The following MESP2 variants were observed in gnomAD, a reference collection of about 807,000 sequenced individuals.
MESP2 encodes the protein mesoderm posterior protein 2.
MESP2 carries 34 observed loss-of-function variants against 37.8 expected under a neutral mutation model. That is an observed-to-expected ratio of 0.90 (90% CI 0.68 to 1.20). The LOEUF (loss-of-function observed/expected upper bound fraction) is 1.20. MESP2 is among the 50% of genes most tolerant of loss of function. The pLI is 0.00. For missense variants in MESP2, 646 were observed against 545.3 expected (o/e 1.18, Z -1.84); for synonymous variants, 303 against 251.6 (o/e 1.20, Z -1.93).
Position 89,778,505 on chromosome 15 carries a change from T to A in MESP2, c.*171T>A. The A allele has an allele frequency of 3.5e-6, 3 of 869,164 alleles. No individual in the cohort carries two copies. Among genetic ancestry groups the A allele is most frequent in the Non-Finnish European group, 5.4e-6 (3 of 550,912 alleles). 53.8% of individuals were successfully genotyped at this position (869,164 alleles called of 1,614,324 possible). ...ATAGATAGCGGGTACCTTCCCTGGA[T>A]GGAGTCAGGGCGGGGGCACTGTCCT... On this transcript the variant is annotated 3_prime_UTR_variant, in exon 2 of 2. Transcript: ENST00000341735.
In MESP2 at chr15:89,778,157, C is replaced by T. The variant is rs370227491; in HGVS notation, c.1017C>T (p.Pro339=). The change falls in exon 2 of 2, where the codon CCC becomes CCT. Residue 339 remains proline (P), a synonymous_variant. Transcript: ENST00000341735. Reference sequence around the variant, plus strand: ...GCCAGAGACTGCAGCCTCAGACCCCCGGGAGGTGCTGGAGCCACAGTGCAG... The same window carrying T: ...GCCAGAGACTGCAGCCTCAGACCCCTGGGAGGTGCTGGAGCCACAGTGCAG... ...PSCQRLQPQT[P]GRCWSHSAEV... The T allele has an allele frequency of 9.1e-5, 147 of 1,613,774 alleles. 1 individual carries two copies. Among genetic ancestry groups the T allele is most frequent in the Middle Eastern group, 5.0e-4 (3 of 6,052 alleles).
Position 89,778,101 on chromosome 15 carries a change from G to T in MESP2, c.961G>T (p.Gly321Ter). The stretch of plus-strand genomic sequence containing the variant: ...GTCTCCAGAGCCCTGTCTGTCGCTG[G>T]GAGCTCCATCTCTCCTGCCCCACCC... Reference protein sequence around the residue: ...SVSPEPCLSLGAPSLLPHPSC... With the variant: ...SVSPEPCLSL Residue 321 changes from glycine to a stop codon, truncating the protein, a stop_gained, in exon 2 of 2, where the codon GGA becomes TGA. Transcript: ENST00000341735. LOFTEE classifies it high-confidence loss of function. 1 of 1,613,566 alleles carries T rather than the reference G, an allele frequency of 6.2e-7. No homozygotes were observed.
At position 89,777,270 on chromosome 15, in the gene MESP2, G is replaced by A. The variant is rs1385263438; in HGVS notation, c.913G>A (p.Ala305Thr). 3 of 1,610,742 alleles carry A rather than the reference G, an allele frequency of 1.9e-6. No homozygotes were observed. Among genetic ancestry groups the A allele is most frequent in the East Asian group, 2.2e-5 (1 of 44,844 alleles). ...TAAPATLELAAVYQGLSVSPE... is the reference protein window; with the variant it reads ...TAAPATLELATVYQGLSVSPE... ...GGCCCCAGCAACTTTGGAGCTGGCC[G>A]CAGTGTACCAGGTATGTGTGGAGGC... is the stretch of plus-strand genomic sequence containing the variant. The change falls in exon 1 of 2, where the codon GCA becomes ACA. Residue 305 changes from alanine (A) to threonine (T), a missense_variant. Transcript: ENST00000341735.
At position 89,776,502 on chromosome 15, in the gene MESP2, C is replaced by G; in HGVS notation, c.145C>G (p.Arg49Gly). Reference sequence around the variant, plus strand: ...GGGTTCGTGCCCCTGCGACGGCGCCCGCGGACTCCCGCAGCCACAGCCTCC... The same window carrying G: ...GGGTTCGTGCCCCTGCGACGGCGCCGGCGGACTCCCGCAGCCACAGCCTCC... Reference protein sequence around the residue: ...SSGSCPCDGARGLPQPQPPSC... With the variant: ...SSGSCPCDGAGGLPQPQPPSC... Residue 49 changes from arginine to glycine, a missense_variant, in exon 1 of 2, where the codon CGC (arginine) becomes GGC (glycine). By Grantham distance (125) the Arg-to-Gly change is moderately radical. Coordinates refer to ENST00000341735, the MANE Select transcript of MESP2 (RefSeq NM_001039958.2). 1 of 1,533,312 alleles carries G rather than the reference C, an allele frequency of 6.5e-7. No homozygotes were observed. Among genetic ancestry groups the G allele is most frequent in the Non-Finnish European group, 8.7e-7 (1 of 1,145,774 alleles). The allele number at this position is 1,533,312 out of a possible 1,614,324, so 95.0% of individuals were successfully genotyped here.
In MESP2 at chr15:89,776,454, C is replaced by G. The variant is rs1286265424; in HGVS notation, c.97C>G (p.Pro33Ala). ...GWAGHWDSTS[P>A]ASSSDSSGSC... ...GGCCGGCCACTGGGACTCCACGTCC[C>G]CGGCCTCCTCCTCCGATTCGTCGGG... The change falls in exon 1 of 2, where the codon CCG becomes GCG. Residue 33 changes from proline (P) to alanine (A), a missense_variant. Physicochemically the swap from Pro to Ala is conservative, Grantham distance 27. Transcript: ENST00000341735. 1.3e-6 allele frequency: 2 copies of G among 1,534,378 alleles called. No homozygotes were observed. Among genetic ancestry groups the G allele is most frequent in the Non-Finnish European group, 1.7e-6 (2 of 1,146,098 alleles).
Position 89,776,793 on chromosome 15 carries a change from C to T in MESP2, c.436C>T (p.Leu146=). The part of the protein sequence containing the change: ...SAVLGLSEES[L]QCRRRQRGDA... ...CGTGCTGGGTCTCAGCGAGGAGAGT[C>T]TGCAGTGCCGGCGCAGGCAGCGCGG... The change falls in exon 1 of 2, where the codon CTG becomes TTG. Residue 146 remains leucine (L), a synonymous_variant. Transcript: ENST00000341735. 6.7e-7 allele frequency: 1 copy of T among 1,498,204 alleles called. No homozygotes were observed. The highest frequency in any genetic ancestry group is 1.4e-5 in the South Asian group (1 of 74,072). The allele number at this position is 1,498,204 out of a possible 1,614,324, so 92.8% of individuals were successfully genotyped here.
Position 89,778,087 on chromosome 15 carries a change from CCT to C in MESP2, c.948_949del (p.Cys317SerfsTer49), listed in dbSNP as rs757634059. On this transcript the variant is annotated frameshift_variant, in exon 2 of 2. Transcript: ENST00000341735. LOFTEE classifies it high-confidence loss of function. The stretch of plus-strand genomic sequence containing the variant: ...CAGGGTCTCTCTGTGTCTCCAGAGC[CCT>C]GTCTGTCGCTGGGAGCTCCATCTCT... 6.2e-7 allele frequency: 1 copy of C among 1,613,716 alleles called. No individual in the cohort carries two copies. Among genetic ancestry groups the C allele is most frequent in the Non-Finnish European group, 8.5e-7 (1 of 1,180,026 alleles).
chr15:89,776,740 C>A lies in MESP2; in HGVS notation c.383C>A (p.Ala128Asp). The A allele has an allele frequency of 6.4e-7, 1 of 1,551,754 alleles. No homozygotes were observed. The stretch of plus-strand genomic sequence containing the variant: ...ACCAAGATCGAGACGCTGCGCCTGG[C>A]CATCCGCTACATCGGCCACCTATCG... ...SLTKIETLRL[A>D]IRYIGHLSAV... The change falls in exon 1 of 2, where the codon GCC (alanine) becomes GAC (aspartate). Residue 128 changes from alanine to aspartate, a missense_variant. Ala to Asp is a moderately radical substitution (Grantham distance 126). Coordinates refer to ENST00000341735, the MANE Select transcript of MESP2 (RefSeq NM_001039958.2).
chr15:89,777,060 C>T lies in MESP2; in HGVS notation c.703C>T (p.Arg235Cys), dbSNP rs757562856. ...CCCCGGAGCCCAAGCCGCACCCGAG[C>T]GCCTGGGGAGGGGGGTCCACGACAC... ...ACPGAQAAPE[R>C]LGRGVHDTDP... Residue 235 changes from arginine to cysteine, a missense_variant, in exon 1 of 2, where the codon CGC (arginine) becomes TGC (cysteine). Physicochemically the swap from Arg to Cys is radical, Grantham distance 180. Coordinates refer to ENST00000341735, the MANE Select transcript of MESP2 (RefSeq NM_001039958.2). The T allele has an allele frequency of 6.2e-7, 1 of 1,609,318 alleles. No homozygotes were observed. The highest frequency in any genetic ancestry group is 1.7e-5 in the Admixed American group (1 of 59,720).
rs1310598448 is a variant in MESP2 at position 89,776,807 on chromosome 15, C to T, written c.450C>T (p.Arg150=). The T allele has an allele frequency of 6.8e-7, 1 of 1,476,368 alleles. No individual in the cohort carries two copies. 91.5% of individuals were successfully genotyped at this position (1,476,368 alleles called of 1,614,324 possible). ...GCGAGGAGAGTCTGCAGTGCCGGCG[C>T]AGGCAGCGCGGGGACGCGGGGTCCC... ...GLSEESLQCR[R]RQRGDAGSPW... The change falls in exon 1 of 2, where the codon CGC becomes CGT. Residue 150 remains arginine, a synonymous_variant. Coordinates refer to ENST00000341735, the MANE Select transcript of MESP2 (RefSeq NM_001039958.2).
Position 89,778,355 on chromosome 15 carries a change from T to TC in MESP2, c.*23dup, listed in dbSNP as rs1968398205. 1 of 1,612,970 alleles carries TC rather than the reference T, an allele frequency of 6.2e-7. No homozygotes were observed. Among genetic ancestry groups the TC allele is most frequent in the Non-Finnish European group, 8.5e-7 (1 of 1,180,012 alleles). On this transcript the variant is annotated 3_prime_UTR_variant, in exon 2 of 2. Transcript: ENST00000341735. ...ACTAAATGGCCTCGGCTTCCCTCTT[T>TC]CCATCCAGGAATCAGTCCTGTAGCT...
chr15:89,776,661 C>A lies in MESP2; in HGVS notation c.304C>A (p.His102Asn). 1 of 1,537,280 alleles carries A rather than the reference C, an allele frequency of 6.5e-7. No individual in the cohort carries two copies. The highest frequency in any genetic ancestry group is 1.2e-5 in the South Asian group (1 of 82,242). The change falls in exon 1 of 2, where the codon CAC (histidine) becomes AAC (asparagine). Residue 102 changes from histidine (H) to asparagine (N), a missense_variant. Transcript: ENST00000341735. The part of the protein sequence containing the change: ...LRMRTLARAL[H>N]ELRRFLPPSL... ...CATGCGCACGCTGGCCCGCGCCCTG[C>A]ACGAGTTGCGCCGCTTTCTGCCTCC...
Position 89,777,237 on chromosome 15 carries a change from T to C in MESP2, c.880T>C (p.Trp294Arg). ...AGAGCCCCGGAACCCACCAGTGCCC[T>C]GGACGGCGGCCCCAGCAACTTTGGA... ...SPEPRNPPVP[W>R]TAAPATLELA... The change falls in exon 1 of 2, where the codon TGG becomes CGG. Residue 294 changes from tryptophan to arginine, a missense_variant. Trp to Arg is a moderately radical substitution (Grantham distance 101). Coordinates refer to ENST00000341735, the MANE Select transcript of MESP2 (RefSeq NM_001039958.2). The C allele has an allele frequency of 3.7e-6, 6 of 1,611,776 alleles. No homozygotes were observed. The highest frequency in any genetic ancestry group is 5.1e-6 in the Non-Finnish European group (6 of 1,179,366).
Position 89,778,285 on chromosome 15 carries a change from A to C in MESP2, c.1145A>C (p.Glu382Ala). 1 of 1,613,094 alleles carries C rather than the reference A, an allele frequency of 6.2e-7. No homozygotes were observed. The highest frequency in any genetic ancestry group is 2.2e-5 in the East Asian group (1 of 44,886). The change falls in exon 2 of 2, where the codon GAA becomes GCA. Residue 382 changes from glutamate to alanine, a missense_variant. Glu to Ala is a moderately radical substitution (Grantham distance 107). Transcript: ENST00000341735. The stretch of plus-strand genomic sequence containing the variant: ...GGCCTGCGGTTCAGTGGCTGCCCTG[A>C]ACTTTGGCAAGAAGATCTGGAGGGG... ...SSGLRFSGCP[E>A]LWQEDLEGAR...
In MESP2 at chr15:89,778,061, G is replaced by A; in HGVS notation, c.925-4G>A. ...TAACCAGGCTGCTCTCATCTCTCTT[G>A]CAGGGTCTCTCTGTGTCTCCAGAGC... On this transcript the variant is annotated splice_polypyrimidine_tract_variant and splice_region_variant and intron_variant, in intron 1 of 1. Coordinates refer to ENST00000341735, the MANE Select transcript of MESP2 (RefSeq NM_001039958.2). The A allele has an allele frequency of 6.2e-7, 1 of 1,613,052 alleles. No individual in the cohort carries two copies. The highest frequency in any genetic ancestry group is 8.5e-7 in the Non-Finnish European group (1 of 1,180,018).
Position 89,778,559 on chromosome 15 carries a change from G to T in MESP2, c.*225G>T, listed in dbSNP as rs1968400454. 1.6e-6 allele frequency: 1 copy of T among 611,364 alleles called. No individual in the cohort carries two copies. 37.9% of individuals were successfully genotyped at this position (611,364 alleles called of 1,614,324 possible). A position where few individuals can be genotyped will look rare whatever the true frequency, so the allele number is the denominator to read the frequency against. On this transcript the variant is annotated 3_prime_UTR_variant, in exon 2 of 2. Transcript: ENST00000341735. ...CTGCTAGACACCCCCAGAATGCCTG[G>T]CGCTCTGCAGAGCACAGTCTGAGCT...
rs946528965 is a variant in MESP2, at chr15:89,776,469, G to C, written c.112G>C (p.Asp38His). The change falls in exon 1 of 2, where the codon GAT (aspartate) becomes CAT (histidine). Residue 38 changes from aspartate (D) to histidine (H), a missense_variant. By Grantham distance (81) the Asp-to-His change is moderately conservative. Transcript: ENST00000341735. ...WDSTSPASSS[D>H]SSGSCPCDGA... is the part of the protein sequence containing the mutation. Reference sequence around the variant, plus strand: ...CTCCACGTCCCCGGCCTCCTCCTCCGATTCGTCGGGTTCGTGCCCCTGCGA... The same window carrying C: ...CTCCACGTCCCCGGCCTCCTCCTCCCATTCGTCGGGTTCGTGCCCCTGCGA... 1 of 1,534,270 alleles carries C rather than the reference G, an allele frequency of 6.5e-7. No homozygotes were observed. Among genetic ancestry groups the C allele is most frequent in the African/African-American group, 1.4e-5 (1 of 72,674 alleles).
chr15:89,778,307 G>A lies in MESP2; in HGVS notation c.1167G>A (p.Glu389=). The A allele has an allele frequency of 1.9e-6, 3 of 1,613,052 alleles. No individual in the cohort carries two copies. Among genetic ancestry groups the A allele is most frequent in the South Asian group, 2.2e-5 (2 of 91,086 alleles). ...GCPELWQEDL[E]GARLGIFY ...CTGAACTTTGGCAAGAAGATCTGGA[G>A]GGGGCCCGCCTGGGCATCTTCTACT... is the stretch of plus-strand genomic sequence containing the variant. The change falls in exon 2 of 2, where the codon GAG becomes GAA. Residue 389 remains glutamate (E), a synonymous_variant. Transcript: ENST00000341735.
rs768338689 is a variant in MESP2 at position 89,776,340 on chromosome 15, A to G, written c.-18A>G. On this transcript the variant is annotated 5_prime_UTR_variant, in exon 1 of 2. Coordinates refer to ENST00000341735, the MANE Select transcript of MESP2 (RefSeq NM_001039958.2). ...CTGGAGGTGGCCAACCCAGCCTCCC[A>G]GAGCCTGCAGCCCGGCCATGGCCCA... 1.2e-5 allele frequency: 19 copies of G among 1,530,628 alleles called. No individual in the cohort carries two copies. The South Asian group carries it at 2.3e-4, about 18-fold the overall frequency. The allele number at this position is 1,530,628 out of a possible 1,614,324, so 94.8% of individuals were successfully genotyped here.
Sources: allele counts gnomAD v4.1 joint callset, GRCh38; gene constraint gnomAD v4.1.1; transcripts MANE v1.5; gene names NCBI Gene and HGNC (gene_info 2026-07-23, HGNC 2026-07-21).